GLRA2: variants seen among roughly 807,000 people sequenced by gnomAD.
GLRA2 encodes the protein glycine receptor alpha 2, also known as glycine receptor subunit alpha-2.
GLRA2 carries 11 observed loss-of-function variants against 31.6 expected under a neutral mutation model. That is an observed-to-expected ratio of 0.35 (90% CI 0.22 to 0.58). GLRA2 has a LOEUF of 0.58. Among genes scored for constraint, GLRA2 ranks in the 20% least tolerant of loss-of-function variants. GLRA2 has a pLI of 0.84. For synonymous variants in GLRA2, 132 were observed against 134.0 expected, an observed-to-expected ratio of 0.99 and a Z score of 0.10; for missense variants, 212 against 351.8, an observed-to-expected ratio of 0.60 and a Z score of 3.18.
At chrX:14,681,531 G>A (rs984398006) in intron 7 of GLRA2, among the ~76,000 whole-genome samples, 16 of 110,766 alleles carry the variant, frequency 1.4e-4, no homozygotes, top group African/African-American at 5.3e-4. Flanking sequence ...TACTGCACAG[G>A]GCCTAAACTA....
At chrX:14,709,344 A>G (rs2091679776) in intron 8 of GLRA2, among the ~76,000 whole-genome samples, 1 of 112,050 alleles carries the variant, frequency 8.9e-6, no homozygotes, top group African/African-American at 3.3e-5. Context: ...CAACAATTAG[A>G]TCAACAGATA....
At chrX:14,668,785 C>T (rs1283672222) in intron 7 of GLRA2, among the ~76,000 whole-genome samples, 1 of 111,868 alleles carries the variant, frequency 8.9e-6, no homozygotes, top group Non-Finnish European at 1.9e-5. Context: ...CCTCCCACAA[C>T]ACGTGGAAAT....
intron 8 of GLRA2, among the ~76,000 whole-genome samples, chrX:14,714,393 T>C (rs1281140904): frequency 1.8e-5 from 2 of 111,440 alleles, no homozygotes; most frequent in African/African-American, 6.5e-5. Flanking sequence ...CAAATAATTA[T>C]CTAGCCCCAA....
At chrX:14,600,027 A>G (rs2090250210) in intron 4 of GLRA2, among the ~76,000 whole-genome samples, 1 of 110,985 alleles carries the variant, frequency 9.0e-6, no homozygotes, top group African/African-American at 3.3e-5. Flanking sequence ...ACCTATCTAG[A>G]AAGGAAATTA....
chrX:14,697,686 T>TATGGCATGGC (rs967638481), intron 8 of GLRA2, among the ~76,000 whole-genome samples: 1 of 110,755 alleles, frequency 9.0e-6, no homozygotes, highest in African/African-American at 3.3e-5. Flanking sequence ...AGCCTTGTTC[T>TATGGCATGGC]ATGGCATGGC....
chrX:14,731,151 G>C lies in GLRA2; in HGVS notation c.*666G>C, dbSNP rs938085227. On this transcript the variant is annotated 3_prime_UTR_variant, in exon 9 of 9. Transcript: ENST00000218075. ...TTCTACTTATCCAGTAAATAACAATGACAAAATAAACACCAATGACAGAAA... is the reference window on the plus strand; with the variant it reads ...TTCTACTTATCCAGTAAATAACAATCACAAAATAAACACCAATGACAGAAA... 2 of 111,746 alleles carry C rather than the reference G, an allele frequency of 1.8e-5. No individual in the cohort carries two copies. The highest frequency in any genetic ancestry group is 3.8e-5 in the Non-Finnish European group (2 of 53,158). 9.2% of individuals were successfully genotyped at this position (111,746 alleles called of 1,213,427 possible). A position where few individuals can be genotyped will look rare whatever the true frequency, so the allele number is the denominator to read the frequency against.
chrX:14,684,054 A>C (rs1157411580), intron 7 of GLRA2, among the ~76,000 whole-genome samples: 1 of 111,243 alleles, frequency 9.0e-6, no homozygotes, highest in Non-Finnish European at 1.9e-5. Flanking sequence ...AAACTAAAAA[A>C]TAAATAAATA....
At chrX:14,546,343 A>G (rs996238725) in intron 2 of GLRA2, among the ~76,000 whole-genome samples, 2 of 111,426 alleles carry the variant, frequency 1.8e-5, no homozygotes, top group African/African-American at 6.5e-5. Flanking sequence ...GCATCCTTTA[A>G]TCAAATATTC....
intron 8 of GLRA2, among the ~76,000 whole-genome samples, chrX:14,703,579 A>G (rs999831857): frequency 3.6e-5 from 4 of 111,697 alleles, no homozygotes; most frequent in Admixed American, 9.5e-5. Context: ...AAGGATTAGG[A>G]CACAGACATC....
chrX:14,656,568 G>A (rs1040234743), intron 7 of GLRA2, among the ~76,000 whole-genome samples: 10 of 111,987 alleles, frequency 8.9e-5, no homozygotes, highest in African/African-American at 3.2e-4. Context: ...TTGACCCTGA[G>A]CAGATCACTT....
intron 7 of GLRA2, among the ~76,000 whole-genome samples, chrX:14,651,135 C>A (rs1402766667): frequency 8.9e-6 from 1 of 111,887 alleles, no homozygotes; most frequent in Non-Finnish European, 1.9e-5. Context: ...TTTGTACAAA[C>A]ATGAATATAT....
chrX:14,602,233 G>A (rs1483972274), intron 4 of GLRA2, among the ~76,000 whole-genome samples: 3 of 111,216 alleles, frequency 2.7e-5, no homozygotes, highest in African/African-American at 9.8e-5. Flanking sequence ...GTAGCTCAAC[G>A]AATATCCTGA....
intron 2 of GLRA2, among the ~76,000 whole-genome samples, chrX:14,538,788 G>A (rs1388125328): frequency 9.0e-6 from 1 of 111,607 alleles, no homozygotes; most frequent in Non-Finnish European, 1.9e-5. Context: ...GTATTTTCTT[G>A]TCCAGTTACT....
the GLRA2 span, among the ~76,000 whole-genome samples, chrX:14,504,532 C>T: frequency 2.7e-5 from 3 of 111,460 alleles, no homozygotes; most frequent in Non-Finnish European, 5.7e-5. Context: ...AGAGCAAAGT[C>T]CACAAGGCTC....
intron 7 of GLRA2, among the ~76,000 whole-genome samples, chrX:14,627,324 G>T (rs182136541): frequency 1.8e-5 from 2 of 111,136 alleles, no homozygotes; most frequent in African/African-American, 3.3e-5. Context: ...CTATAAGATA[G>T]ATATTATTGG....
chrX:14,659,264 G>T (rs962503723), intron 7 of GLRA2, among the ~76,000 whole-genome samples: 3 of 112,021 alleles, frequency 2.7e-5, no homozygotes, highest in Admixed American at 1.9e-4. Context: ...CTTACTGTAT[G>T]GCTTTTTACA....
At chrX:14,454,180 C>CA in the GLRA2 span, among the ~76,000 whole-genome samples, 2 of 68,817 alleles carry the variant, frequency 2.9e-5, no homozygotes, top group Admixed American at 1.9e-4. Flanking sequence ...ACACCCACAC[C>CA]CACACACCCA....
chrX:14,502,337 G>T, the GLRA2 span, among the ~76,000 whole-genome samples: 1 of 111,977 alleles, frequency 8.9e-6, no homozygotes, highest in African/African-American at 3.2e-5. Context: ...ACTCCATAAA[G>T]GTTAACTATT....
At chrX:14,631,543 C>A (rs1387073918) in intron 7 of GLRA2, among the ~76,000 whole-genome samples, 1 of 109,843 alleles carries the variant, frequency 9.1e-6, no homozygotes, top group African/African-American at 3.3e-5. Context: ...TTACTTGGAA[C>A]AATTTGATTT....
Sources: gnomAD v4.1 joint callset for allele counts (sites outside exome capture counted in the v4.1 genomes callset) on GRCh38, gnomAD v4.1.1 for gene constraint, MANE v1.5 for transcripts, NCBI Gene and HGNC (gene_info 2026-07-23, HGNC 2026-07-21) for gene names.